Variants in EVI5 observed in about 807,000 individuals in gnomAD.
The protein encoded by EVI5 is ecotropic viral integration site 5.
EVI5 carries 73 observed loss-of-function variants against 112.0 expected under a neutral mutation model. The ratio of observed to expected loss-of-function variants is 0.65; its 90% CI spans 0.54 to 0.79. The LOEUF (loss-of-function observed/expected upper bound fraction) is 0.79, where lower values mean the gene tolerates loss of function less well. Ranked by LOEUF, EVI5 falls within the 30% of genes least tolerant of loss-of-function variation. The pLI, the probability that EVI5 is intolerant of heterozygous loss-of-function variation, is 0.00. For synonymous variants in EVI5, 305 were observed against 319.9 expected, an observed-to-expected ratio of 0.95 and a Z score of 0.50; for missense variants, 900 against 968.8, an observed-to-expected ratio of 0.93 and a Z score of 0.94.
intron 13 of EVI5, among the ~76,000 whole-genome samples, chr1:92,651,372 GAGGAACCATAAACA>G (rs1414113715): frequency 2.0e-5 from 3 of 152,152 alleles, no homozygotes; most frequent in Non-Finnish European, 2.9e-5. Flanking sequence ...AGGAGAAAGA[GAGGAACCATAAACA>G]AAATCTCGGT....
chr1:92,585,086 T>G (rs1672560361), intron 18 of EVI5, among the ~76,000 whole-genome samples: 1 of 151,926 alleles, frequency 6.6e-6, no homozygotes, highest in Admixed American at 6.6e-5. Context: ...TAGCCAGGTG[T>G]GGTAGCAGTC....
At chr1:92,580,637 G>A in intron 18 of EVI5, 1 of 59,192 alleles carries the variant, frequency 1.7e-5, no homozygotes, top group Non-Finnish European at 3.5e-5. Context: ...GTTGAATTTT[G>A]TGTTTTATCT....
intron 18 of EVI5, among the ~76,000 whole-genome samples, chr1:92,573,022 C>T (rs1670548147): frequency 2.0e-5 from 3 of 152,060 alleles, no homozygotes; most frequent in African/African-American, 7.2e-5. Flanking sequence ...ATTACTTAAG[C>T]CAGTTTGAAC....
At chr1:92,550,765 A>T (rs1423915151) in intron 19 of EVI5, among the ~76,000 whole-genome samples, 1 of 55,322 alleles carries the variant, frequency 1.8e-5, no homozygotes, top group African/African-American at 8.1e-5. Flanking sequence ...AAAAAAAAAA[A>T]AAAAAAAAAA....
chr1:92,541,739 AATAC>A (rs1664843946), intron 19 of EVI5, among the ~76,000 whole-genome samples: 1 of 152,256 alleles, frequency 6.6e-6, no homozygotes, highest in Admixed American at 6.5e-5. Context: ...TGAATGGATA[AATAC>A]AAATATCAGA....
Position 92,704,568 on chromosome 1 carries a change from T to C in EVI5, c.326A>G (p.Glu109Gly), listed in dbSNP as rs767028958. 6.3e-7 allele frequency: 1 copy of C among 1,575,914 alleles called. No individual in the cohort carries two copies. Among genetic ancestry groups the C allele is most frequent in the Non-Finnish European group, 8.6e-7 (1 of 1,161,652 alleles). ...GAACATGAATACCTTAACTTGCTTT[T>C]CCTTCTTTTTGCGTACATCTTCCCA... ...NEWEDVRKKK[E>G]KQVKELVHKG... is the part of the protein sequence containing the mutation. The change falls in exon 3 of 20, where the codon GAA becomes GGA. Residue 109 changes from glutamate (E) to glycine (G), a missense_variant. Transcript: ENST00000684568.
chr1:92,548,955 C>A (rs987283582), intron 19 of EVI5, among the ~76,000 whole-genome samples: 3 of 152,184 alleles, frequency 2.0e-5, no homozygotes, highest in African/African-American at 7.2e-5. Context: ...CCATCCCCAT[C>A]AAGCTACCAA....
At chr1:92,716,147 A>G (rs1207935044) in intron 2 of EVI5, among the ~76,000 whole-genome samples, 1 of 152,218 alleles carries the variant, frequency 6.6e-6, no homozygotes, top group African/African-American at 2.4e-5. Context: ...AAGAACAGAC[A>G]GACTGCCTCC....
intron 2 of EVI5, among the ~76,000 whole-genome samples, chr1:92,735,686 C>CAA (rs1553259915): frequency 1.4e-5 from 2 of 140,298 alleles, no homozygotes; most frequent in African/African-American, 5.2e-5. Flanking sequence ...TTATATATAA[C>CAA]ATATATATGA....
intron 2 of EVI5, among the ~76,000 whole-genome samples, chr1:92,714,509 T>C (rs1399723927): frequency 6.6e-6 from 1 of 152,202 alleles, no homozygotes; most frequent in Non-Finnish European, 1.5e-5. Context: ...TTGCAATTTT[T>C]CCCCAGACTT....
At position 92,607,674 on chromosome 1, in the gene EVI5, T is replaced by C. The variant is rs753874839; in HGVS notation, c.1881A>G (p.Leu627=). ...CAGAAAGATACTGCACTTTCTCCTGTAGGCTAATCACCTCTTGTTCTGCTC... is the reference window on the plus strand; with the variant it reads ...CAGAAAGATACTGCACTTTCTCCTGCAGGCTAATCACCTCTTGTTCTGCTC... ...LRRAEQEVIS[L]QEKVQYLSAQ... is the part of the protein sequence containing the mutation. The change falls in exon 17 of 20, where the codon CTA becomes CTG. Residue 627 remains leucine (L), a synonymous_variant. Coordinates refer to ENST00000684568, the MANE Select transcript of EVI5 (RefSeq NM_001350197.2). The C allele has an allele frequency of 6.2e-7, 1 of 1,606,062 alleles. No individual in the cohort carries two copies. Among genetic ancestry groups the C allele is most frequent in the Non-Finnish European group, 8.5e-7 (1 of 1,175,828 alleles).
chr1:92,585,244 C>T (rs1016908383), intron 18 of EVI5, among the ~76,000 whole-genome samples: 1 of 151,560 alleles, frequency 6.6e-6, no homozygotes, highest in Non-Finnish European at 1.5e-5. Context: ...AAAATCAGCC[C>T]AGTGCTTTGC....
At position 92,718,183 on chromosome 1, in the gene EVI5, G is replaced by T. The variant is rs188485351; in HGVS notation, c.150-13439C>A. Reference sequence around the variant, plus strand: ...TCCACGACTTGAACTCAGCTCTCGAGCAAGCAGACCTAATAGACATCTACA... The same window carrying T: ...TCCACGACTTGAACTCAGCTCTCGATCAAGCAGACCTAATAGACATCTACA... On this transcript the variant is annotated intron_variant, in intron 2 of 19. Transcript: ENST00000684568. 4.0e-4 allele frequency among the ~76,000 whole-genome samples: 61 copies of T among 152,152 alleles called. 1 individual carries two copies. In the East Asian group the frequency reaches 0.012, roughly 29 times the overall value.
rs146425136 is a variant in EVI5, at chr1:92,591,012, T to C, written c.2070+14295A>G. Reference sequence around the variant, plus strand: ...CCCAGAATTTCATATCCAGCCAAACTAAGCTGCATAAGTAAAGGAGAAATA... The same window carrying C: ...CCCAGAATTTCATATCCAGCCAAACCAAGCTGCATAAGTAAAGGAGAAATA... On this transcript the variant is annotated intron_variant, in intron 18 of 19. Coordinates refer to ENST00000684568, the MANE Select transcript of EVI5 (RefSeq NM_001350197.2). Among the ~76,000 whole-genome samples, 886 of 152,286 alleles carry C rather than the reference T, an allele frequency of 5.8e-3. 8 individuals are homozygous for C. The highest frequency in any genetic ancestry group is 0.019 in the African/African-American group (787 of 41,550).
chr1:92,590,491 G>A (rs536057465), intron 18 of EVI5, among the ~76,000 whole-genome samples: 61 of 152,264 alleles, frequency 4.0e-4, no homozygotes, highest in Middle Eastern at 3.4e-3. Flanking sequence ...TAGCCGATTC[G>A]GTCAAGTGGA....
At chr1:92,646,987 T>C (rs887466321) in intron 13 of EVI5, 1 of 215,318 alleles carries the variant, frequency 4.6e-6, no homozygotes, top group Non-Finnish European at 9.9e-6. Context: ...GTGTCAATCA[T>C]GGCCCTCCCC....
At chr1:92,548,422 C>T (rs1219554360) in intron 19 of EVI5, among the ~76,000 whole-genome samples, 1 of 152,196 alleles carries the variant, frequency 6.6e-6, no homozygotes, top group Admixed American at 6.5e-5. Flanking sequence ...GAAGCATTCC[C>T]TTTGAAAACT....
chr1:92,515,982 C>T (rs963328833), intron 19 of EVI5, among the ~76,000 whole-genome samples: 4 of 152,144 alleles, frequency 2.6e-5, no homozygotes, highest in African/African-American at 9.7e-5. Context: ...ATACCATTCT[C>T]CTTGGCAGAA....
chr1:92,732,864 C>T (rs1438505209), intron 2 of EVI5, among the ~76,000 whole-genome samples: 2 of 146,368 alleles, frequency 1.4e-5, no homozygotes, highest in Non-Finnish European at 3.0e-5. Flanking sequence ...CGCACCACTG[C>T]ACTCCAGCCT....
Sources: gnomAD v4.1 joint callset for allele counts (sites outside exome capture counted in the v4.1 genomes callset) on GRCh38, gnomAD v4.1.1 for gene constraint, MANE v1.5 for transcripts, NCBI Gene and HGNC (gene_info 2026-07-23, HGNC 2026-07-21) for gene names.